RGL1: variants seen among roughly 807,000 people sequenced by gnomAD.
RGL1 encodes ral guanine nucleotide dissociation stimulator like 1.
A neutral mutation model predicts 95.2 loss-of-function variants in RGL1; 24 were observed. That is an observed-to-expected ratio of 0.25 (90% CI 0.18 to 0.35). RGL1 has a LOEUF of 0.35. Among genes scored for constraint, RGL1 ranks in the 10% least tolerant of loss-of-function variants. The probability of loss-of-function intolerance (pLI) is 1.00; values close to 1 mark genes in which losing one functional copy is unlikely to be tolerated. For synonymous variants in RGL1, 329 were observed against 344.9 expected (o/e 0.95, Z 0.51); for missense variants, 715 against 936.3 (o/e 0.76, Z 3.08).
chr1:183,883,169 G>T (rs1338389853), intron 5 of RGL1, among the ~76,000 whole-genome samples: 1 of 152,146 alleles, frequency 6.6e-6, no homozygotes, highest in Non-Finnish European at 1.5e-5. Flanking sequence ...TTCATGCTGT[G>T]CCCTATGTAA....
At chr1:183,815,036 T>C (rs1264757243) in intron 2 of RGL1, among the ~76,000 whole-genome samples, 2 of 152,080 alleles carry the variant, frequency 1.3e-5, no homozygotes, top group Non-Finnish European at 2.9e-5. Context: ...CTTTGGGAGG[T>C]CCGGATGGGT....
intron 9 of RGL1, among the ~76,000 whole-genome samples, chr1:183,896,354 G>C (rs1385113924): frequency 6.6e-6 from 1 of 152,210 alleles, no homozygotes; most frequent in Non-Finnish European, 1.5e-5. Flanking sequence ...TCCAGTATAG[G>C]CTATTTTCAT....
intron 1 of RGL1, among the ~76,000 whole-genome samples, chr1:183,728,102 T>C (rs1017280806): frequency 2.0e-5 from 3 of 152,146 alleles, no homozygotes; most frequent in African/African-American, 7.2e-5. Context: ...CCTCTCTCTG[T>C]TTTTAAGCTG....
At chr1:183,868,842 G>A (rs114249177) in intron 4 of RGL1, among the ~76,000 whole-genome samples, 1,703 of 152,308 alleles carry the variant, frequency 0.011, 9 homozygotes, top group South Asian at 0.022. Flanking sequence ...CTGGCCGGGC[G>A]TGGTGGCTCA....
intron 2 of RGL1, among the ~76,000 whole-genome samples, chr1:183,751,058 G>A (rs1172456395): frequency 6.6e-6 from 1 of 152,240 alleles, no homozygotes; most frequent in African/African-American, 2.4e-5. Context: ...CACTTGAGGA[G>A]GCAGGCTGTC....
At chr1:183,885,998 T>A (rs1181108934) in intron 7 of RGL1, among the ~76,000 whole-genome samples, 4 of 152,286 alleles carry the variant, frequency 2.6e-5, no homozygotes, top group South Asian at 2.1e-4. Flanking sequence ...ATAATGATTT[T>A]GAAAAATTAT....
chr1:183,851,212 G>A (rs1023489234), intron 3 of RGL1, among the ~76,000 whole-genome samples: 3 of 152,238 alleles, frequency 2.0e-5, no homozygotes, highest in Admixed American at 6.5e-5. Flanking sequence ...GCCAAGGCTT[G>A]GCCTTGAATT....
In RGL1 at chr1:183,883,697, T is replaced by C. The variant is rs181160657; in HGVS notation, c.611-89T>C. ...CTGTTCTGGAGGATTGGCCCTCTTC[T>C]TCCTAAACAAGGAGTAAAGTCTGAT... On this transcript the variant is annotated intron_variant, in intron 5 of 17. Coordinates refer to ENST00000360851, the MANE Select transcript of RGL1 (RefSeq NM_001297671.3). The C allele has an allele frequency of 1.6e-3, 2,319 of 1,474,324 alleles. 84 individuals are homozygous for C. The Admixed American group carries it at 0.041, about 26-fold the overall frequency. 91.3% of individuals were successfully genotyped at this position (1,474,324 alleles called of 1,614,324 possible). A position where few individuals can be genotyped will look rare whatever the true frequency, so the allele number is the denominator to read the frequency against.
chr1:183,743,117 T>A (rs866842730), intron 2 of RGL1, among the ~76,000 whole-genome samples: 43 of 152,140 alleles, frequency 2.8e-4, no homozygotes, highest in Admixed American at 1.8e-3. Context: ...GCTCAAGTGA[T>A]CCTCCTGTCT....
At chr1:183,780,071 C>T (rs1278789169) in intron 2 of RGL1, among the ~76,000 whole-genome samples, 2 of 152,058 alleles carry the variant, frequency 1.3e-5, no homozygotes, top group Admixed American at 1.3e-4. Context: ...TAAAACTCAC[C>T]TTGATTCCAG....
chr1:183,764,443 T>C (rs1404365822), intron 2 of RGL1, among the ~76,000 whole-genome samples: 1 of 152,178 alleles, frequency 6.6e-6, no homozygotes, highest in African/African-American at 2.4e-5. Flanking sequence ...GGTGATCTGG[T>C]AAGTTTCAGT....
At chr1:183,651,258 A>G (rs16861414) in intron 1 of RGL1, among the ~76,000 whole-genome samples, 10,452 of 152,238 alleles carry the variant, frequency 0.069, 622 homozygotes, top group African/African-American at 0.16. Context: ...ACTTTGTCAG[A>G]TAACAAAACT....
At chr1:183,658,426 G>A (rs1430772370) in intron 1 of RGL1, among the ~76,000 whole-genome samples, 1 of 152,180 alleles carries the variant, frequency 6.6e-6, no homozygotes, top group African/African-American at 2.4e-5. Context: ...TGGCTCGGAG[G>A]GTCCTACGCC....
chr1:183,666,783 A>G (rs1169942662), intron 1 of RGL1, among the ~76,000 whole-genome samples: 2 of 152,214 alleles, frequency 1.3e-5, no homozygotes, highest in Admixed American at 1.3e-4. Flanking sequence ...AATATGGCCA[A>G]TTTGGTAAGT....
At chr1:183,676,556 A>G (rs972874362) in intron 1 of RGL1, among the ~76,000 whole-genome samples, 1 of 151,828 alleles carries the variant, frequency 6.6e-6, no homozygotes, top group East Asian at 2.0e-4. Context: ...ATCAAAAACA[A>G]TGTCCCTAGC....
intron 2 of RGL1, among the ~76,000 whole-genome samples, chr1:183,825,715 T>C (rs1456007246): frequency 6.6e-6 from 1 of 152,208 alleles, no homozygotes; most frequent in Admixed American, 6.5e-5. Flanking sequence ...ATAATGAAGT[T>C]CCTTGTTCCA....
At chr1:183,900,124 A>G (rs757612918) in intron 10 of RGL1, 26 bp from the exon 11 acceptor site, 10 of 1,590,888 alleles carry the variant, frequency 6.3e-6, no homozygotes, top group Non-Finnish European at 8.6e-6. Flanking sequence ...GACAATAAAG[A>G]CAGTTTTGCT....
intron 9 of RGL1, among the ~76,000 whole-genome samples, chr1:183,894,178 A>G (rs1222909353): frequency 6.6e-6 from 1 of 152,158 alleles, no homozygotes; most frequent in African/African-American, 2.4e-5. Flanking sequence ...AGCTAGACTA[A>G]CTGGAGCCAC....
At chr1:183,906,112 CAAAA>C (rs879612126) in intron 13 of RGL1, among the ~76,000 whole-genome samples, 3 of 141,118 alleles carry the variant, frequency 2.1e-5, no homozygotes, top group African/African-American at 7.8e-5. Flanking sequence ...TAAGTATTTA[CAAAA>C]AAAAAAACTT....
Sources: gnomAD v4.1 joint callset for allele counts (sites outside exome capture counted in the v4.1 genomes callset) on GRCh38, gnomAD v4.1.1 for gene constraint, MANE v1.5 for transcripts, NCBI Gene and HGNC (gene_info 2026-07-23, HGNC 2026-07-21) for gene names.